The following FSTL4 variants were observed in gnomAD, a reference collection of about 807,000 sequenced individuals.
The protein encoded by FSTL4 is follistatin-related protein 4.
In FSTL4, 28 loss-of-function variants were observed where a neutral mutation model predicts 78.2. That is an observed-to-expected ratio of 0.36 (90% confidence interval 0.27 to 0.49). FSTL4 has a LOEUF of 0.49. FSTL4 is among the 20% of genes least tolerant of loss of function. The pLI, the probability that FSTL4 is intolerant of heterozygous loss-of-function variation, is 0.98. For missense variants in FSTL4, 922 were observed against 1,084.9 expected (o/e 0.85, Z 2.11); for synonymous variants, 422 against 440.5 (o/e 0.96, Z 0.53).
chr5:133,251,835 G>A (rs1287785670), intron 6 of FSTL4, among the ~76,000 whole-genome samples: 6 of 152,222 alleles, frequency 3.9e-5, no homozygotes, highest in African/African-American at 1.2e-4. Context: ...AAGTGCTCCT[G>A]GCCTCAAGGG....
intron 3 of FSTL4, among the ~76,000 whole-genome samples, chr5:133,447,192 C>A (rs1428442668): frequency 6.6e-6 from 1 of 152,196 alleles, no homozygotes; most frequent in Non-Finnish European, 1.5e-5. Context: ...TCACCACCAG[C>A]CTGTGTGACA....
At chr5:133,469,846 A>G (rs999245054) in intron 3 of FSTL4, among the ~76,000 whole-genome samples, 2 of 152,146 alleles carry the variant, frequency 1.3e-5, no homozygotes, top group African/African-American at 4.8e-5. Flanking sequence ...GCCGCCGTAC[A>G]GGGAGCCCAC....
chr5:133,808,817 C>T, the FSTL4 span, among the ~76,000 whole-genome samples: 1 of 152,080 alleles, frequency 6.6e-6, no homozygotes, highest in Non-Finnish European at 1.5e-5. Context: ...ACCCAAACAC[C>T]ACAAAGGGCA....
chr5:133,283,539 T>C (rs868687968), intron 6 of FSTL4, among the ~76,000 whole-genome samples: 1 of 152,202 alleles, frequency 6.6e-6, no homozygotes, highest in African/African-American at 2.4e-5. Context: ...AGACACATGG[T>C]GGCATTCCTT....
intron 14 of FSTL4, among the ~76,000 whole-genome samples, chr5:133,205,390 T>C (rs1004287877): frequency 1.1e-5 from 1 of 91,082 alleles, no homozygotes; most frequent in Non-Finnish European, 2.6e-5. Flanking sequence ...TCTTTGCGTG[T>C]GTGTGTGTGT....
Position 133,375,313 on chromosome 5 carries a change from A to AT in FSTL4, c.409+25424_409+25425insA, listed in dbSNP as rs1354744825. Among the ~76,000 whole-genome samples, 101 of 31,116 alleles carry AT rather than the reference A, an allele frequency of 3.2e-3. 3 individuals carry two copies. Among genetic ancestry groups the AT allele is most frequent in the African/African-American group, 6.6e-3 (96 of 14,452 alleles). The allele number at this position is 31,116 out of a possible 152,430, so 20.4% of individuals were successfully genotyped here. The stretch of plus-strand genomic sequence containing the variant: ...TGGCATATATATATATATATATATA[A>AT]AAGACTCTAAAGTTACATACCAAAA... On this transcript the variant is annotated intron_variant, in intron 4 of 15. Transcript: ENST00000265342.
chr5:133,365,179 G>A (rs1019605798), intron 4 of FSTL4, among the ~76,000 whole-genome samples: 6 of 151,624 alleles, frequency 4.0e-5, no homozygotes, highest in Admixed American at 3.9e-4. Flanking sequence ...AGTTTTGACT[G>A]TTGTTGCTTG....
chr5:133,596,440 C>T (rs1186567853), intron 2 of FSTL4, among the ~76,000 whole-genome samples: 2 of 152,200 alleles, frequency 1.3e-5, no homozygotes, highest in African/African-American at 2.4e-5. Flanking sequence ...CTTCCATTCT[C>T]AACTCTTAAA....
chr5:133,722,776 G>T, the FSTL4 span, among the ~76,000 whole-genome samples: 1 of 152,158 alleles, frequency 6.6e-6, no homozygotes, highest in African/African-American at 2.4e-5. Context: ...CTGCAGATGG[G>T]CCTGGGGCTT....
intron 4 of FSTL4, among the ~76,000 whole-genome samples, chr5:133,386,103 G>A (rs1219536814): frequency 1.3e-5 from 2 of 152,146 alleles, no homozygotes; most frequent in Non-Finnish European, 2.9e-5. Flanking sequence ...GCCAAGTTAG[G>A]GGTAATAACA....
chr5:133,812,202 C>T, the FSTL4 span, among the ~76,000 whole-genome samples: 1 of 152,352 alleles, frequency 6.6e-6, no homozygotes, highest in East Asian at 1.9e-4. Context: ...TCCTTGTTCA[C>T]TTACTACCAT....
chr5:133,487,312 G>C, intron 3 of FSTL4, among the ~76,000 whole-genome samples: 1 of 152,200 alleles, frequency 6.6e-6, no homozygotes, highest in East Asian at 1.9e-4. Context: ...ACAGCAAAGA[G>C]AAGGTGCCTG....
chr5:133,732,266 G>A, the FSTL4 span, among the ~76,000 whole-genome samples: 2,346 of 152,296 alleles, frequency 0.015, 80 homozygotes, highest in African/African-American at 0.053. Flanking sequence ...ACCTGGGCCT[G>A]TGTACTGATC....
At chr5:133,598,711 G>T (rs1190359984) in intron 2 of FSTL4, among the ~76,000 whole-genome samples, 4 of 248 alleles carry the variant, frequency 0.016, no homozygotes, top group African/African-American at 0.059. Context: ...ACGTGGTTCG[G>T]TTATCCCAGG....
chr5:133,453,669 T>G (rs1757426213), intron 3 of FSTL4, among the ~76,000 whole-genome samples: 1 of 152,188 alleles, frequency 6.6e-6, no homozygotes, highest in South Asian at 2.1e-4. Flanking sequence ...AGTGGGTCTG[T>G]GGCTGGGAGC....
At chr5:133,243,517 C>T (rs572137579) in intron 7 of FSTL4, among the ~76,000 whole-genome samples, 2 of 152,306 alleles carry the variant, frequency 1.3e-5, no homozygotes. Flanking sequence ...GGCCTGGGAA[C>T]TACAGACAGC....
the FSTL4 span, among the ~76,000 whole-genome samples, chr5:133,757,686 G>A: frequency 6.6e-6 from 1 of 152,102 alleles, no homozygotes; most frequent in Admixed American, 6.5e-5. Flanking sequence ...GAAGGAGCTG[G>A]GAACACAGAG....
At chr5:133,531,482 T>C (rs1385963232) in intron 3 of FSTL4, among the ~76,000 whole-genome samples, 1 of 152,178 alleles carries the variant, frequency 6.6e-6, no homozygotes, top group South Asian at 2.1e-4. Context: ...GAGCTGAGTG[T>C]GGAGTGTGGA....
At chr5:133,830,363 G>T in the FSTL4 span, among the ~76,000 whole-genome samples, 1 of 152,208 alleles carries the variant, frequency 6.6e-6, no homozygotes, top group African/African-American at 2.4e-5. Context: ...AGCATGGCTA[G>T]AAGTAGCTCT....
Sources: allele counts gnomAD v4.1 joint callset (sites outside exome capture counted in the v4.1 genomes callset), GRCh38; gene constraint gnomAD v4.1.1; transcripts MANE v1.5; gene names NCBI Gene and HGNC (gene_info 2026-07-23, HGNC 2026-07-21).